DIAPH2: variants seen among roughly 807,000 people sequenced by gnomAD.
DIAPH2 encodes the protein diaphanous related formin 2, also known as protein diaphanous homolog 2.
In DIAPH2, 35 loss-of-function variants were observed where a neutral mutation model predicts 92.7. The ratio of observed to expected loss-of-function variants is 0.38; its 90% confidence interval spans 0.29 to 0.50. The LOEUF is 0.50. DIAPH2 is among the 20% of genes least tolerant of loss of function. The pLI, the probability that DIAPH2 is intolerant of heterozygous loss-of-function variation, is 0.94. For missense variants in DIAPH2, 701 were observed against 819.5 expected (o/e 0.86, Z 1.77); for synonymous variants, 301 against 280.4 (o/e 1.07, Z -0.73).
intron 26 of DIAPH2, among the ~76,000 whole-genome samples, chrX:97,523,069 C>G (rs2071002176): frequency 8.9e-6 from 1 of 112,496 alleles, no homozygotes; most frequent in African/African-American, 3.2e-5. Flanking sequence ...AAACCTCTGT[C>G]TCACAGGGCT....
chrX:96,862,138 A>G (rs747728570), intron 4 of DIAPH2, among the ~76,000 whole-genome samples: 1 of 111,892 alleles, frequency 8.9e-6, no homozygotes, highest in African/African-American at 3.2e-5. Flanking sequence ...CCTGAGTAGC[A>G]TTGTACCTTT....
Position 97,330,268 on chromosome X carries a change from A to G in DIAPH2, c.2845-17848A>G, listed in dbSNP as rs772118399. ...AATAATAAGCACAATGTTGTACCAC[A>G]GATCTCTAGAAAATTTTCATCTTGC... is the stretch of plus-strand genomic sequence containing the variant. On this transcript the variant is annotated intron_variant, in intron 23 of 26. Transcript: ENST00000324765. 2.7e-5 allele frequency among the ~76,000 whole-genome samples: 3 copies of G among 109,613 alleles called. No homozygotes were observed. In the East Asian group the frequency reaches 8.7e-4, roughly 32 times the overall value.
intron 7 of DIAPH2, among the ~76,000 whole-genome samples, chrX:96,915,047 C>T (rs2065494106): frequency 9.0e-6 from 1 of 111,077 alleles, no homozygotes; most frequent in Non-Finnish European, 1.9e-5. Context: ...ATACATGTAA[C>T]AATAGGATCA....
At chrX:96,694,787 C>G (rs2063816599) in intron 1 of DIAPH2, among the ~76,000 whole-genome samples, 1 of 111,605 alleles carries the variant, frequency 9.0e-6, no homozygotes, top group African/African-American at 3.3e-5. Context: ...TAGTACCTCA[C>G]ATTACAAAAT....
At chrX:97,198,426 G>T (rs1262024323) in intron 22 of DIAPH2, among the ~76,000 whole-genome samples, 1 of 110,302 alleles carries the variant, frequency 9.1e-6, no homozygotes, top group African/African-American at 3.3e-5. Flanking sequence ...GGTCACAGAA[G>T]TTTTTCTATG....
At position 97,550,411 on chromosome X, in the gene DIAPH2, G is replaced by A. The variant is rs192207923; in HGVS notation, c.3242-48842G>A. Among the ~76,000 whole-genome samples, 6 of 112,002 alleles carry A rather than the reference G, an allele frequency of 5.4e-5. No homozygotes were observed. In the East Asian group the frequency reaches 1.7e-3, roughly 31 times the overall value. ...TATTATATAAGTTAGGGACAATCTG[G>A]TCTTTCATATATAGACTTCAGACAA... On this transcript the variant is annotated intron_variant, in intron 26 of 26. Transcript: ENST00000324765.
chrX:97,584,058 C>T (rs980858035), intron 26 of DIAPH2, among the ~76,000 whole-genome samples: 3 of 112,550 alleles, frequency 2.7e-5, no homozygotes, highest in Admixed American at 9.3e-5. Context: ...CACCCACTGA[C>T]CTGCGCCCAC....
chrX:97,583,263 T>G (rs1486944366), intron 26 of DIAPH2, among the ~76,000 whole-genome samples: 3 of 111,004 alleles, frequency 2.7e-5, no homozygotes, highest in Admixed American at 9.5e-5. Context: ...ATTTTTAGAG[T>G]TTCCAGTTTT....
At chrX:97,073,774 T>A (rs888870382) in intron 18 of DIAPH2, among the ~76,000 whole-genome samples, 4 of 112,256 alleles carry the variant, frequency 3.6e-5, no homozygotes, top group African/African-American at 1.3e-4. Context: ...AGGAATGTGG[T>A]ATAGGGAATC....
intron 19 of DIAPH2, among the ~76,000 whole-genome samples, chrX:97,092,599 C>G (rs1220854512): frequency 4.5e-5 from 5 of 112,131 alleles, no homozygotes; most frequent in Non-Finnish European, 9.4e-5. Context: ...TTAACTAGTA[C>G]TTAAATGAAA....
chrX:97,273,226 T>G (rs901128921), intron 23 of DIAPH2, among the ~76,000 whole-genome samples: 1 of 112,046 alleles, frequency 8.9e-6, no homozygotes, highest in African/African-American at 3.2e-5. Context: ...AAGCAAAAAC[T>G]TTTGTTTCTG....
At chrX:97,594,868 A>C (rs1473108088) in intron 26 of DIAPH2, among the ~76,000 whole-genome samples, 4 of 112,071 alleles carry the variant, frequency 3.6e-5, no homozygotes, top group Non-Finnish European at 7.5e-5. Flanking sequence ...ATAGGGAAAG[A>C]AACAGCCTTC....
chrX:96,812,424 A>G (rs1284281328), intron 4 of DIAPH2, among the ~76,000 whole-genome samples: 3 of 111,282 alleles, frequency 2.7e-5, no homozygotes, highest in Non-Finnish European at 5.7e-5. Flanking sequence ...CTTCTTTATT[A>G]GTCTTGCTAG....
At chrX:97,334,027 A>C (rs2069025695) in intron 23 of DIAPH2, among the ~76,000 whole-genome samples, 1 of 111,604 alleles carries the variant, frequency 9.0e-6, no homozygotes, top group Non-Finnish European at 1.9e-5. Context: ...CCTCTGATTA[A>C]AAATATTGAT....
At chrX:96,872,290 A>G (rs2065148474) in intron 4 of DIAPH2, among the ~76,000 whole-genome samples, 1 of 109,929 alleles carries the variant, frequency 9.1e-6, no homozygotes, top group Non-Finnish European at 1.9e-5. Context: ...GTATCATTCT[A>G]CTCTCTTATC....
chrX:97,582,357 G>A (rs2071446059), intron 26 of DIAPH2, among the ~76,000 whole-genome samples: 1 of 71,881 alleles, frequency 1.4e-5, no homozygotes, highest in Non-Finnish European at 2.6e-5. Context: ...CTCTTTTAGG[G>A]CAGGCCTGGT....
intron 5 of DIAPH2, chrX:96,884,830 G>A (rs2065247969): frequency 8.3e-7 from 1 of 1,209,147 alleles, no homozygotes; most frequent in African/African-American, 1.8e-5. Context: ...AGCCCGTCGT[G>A]ATACCACTGT....
intron 17 of DIAPH2, among the ~76,000 whole-genome samples, chrX:97,056,808 C>T (rs950602876): frequency 9.0e-6 from 1 of 111,489 alleles, no homozygotes; most frequent in African/African-American, 3.3e-5. Context: ...AAACATAGTT[C>T]ACTTAATGAA....
At chrX:97,429,936 C>T (rs1329017759) in intron 26 of DIAPH2, among the ~76,000 whole-genome samples, 191 bp downstream of exon 26, 1 of 111,824 alleles carries the variant, frequency 8.9e-6, no homozygotes, top group Non-Finnish European at 1.9e-5. Context: ...GTAAATGTAT[C>T]TTCAAATAAC....
Sources: allele counts gnomAD v4.1 joint callset (sites outside exome capture counted in the v4.1 genomes callset), GRCh38; gene constraint gnomAD v4.1.1; transcripts MANE v1.5; gene names NCBI Gene and HGNC (gene_info 2026-07-23, HGNC 2026-07-21).